NALF1: variants seen among roughly 807,000 people sequenced by gnomAD.
The protein encoded by NALF1 is NALCN channel auxiliary factor 1, also known as family with sequence similarity 155 member A.
Under a neutral mutation model 48.4 loss-of-function variants are expected in NALF1, and 3 were observed. That is an observed-to-expected ratio of 0.06 (90% confidence interval 0.03 to 0.16). The LOEUF (loss-of-function observed/expected upper bound fraction) is 0.16. Ranked by LOEUF, NALF1 falls within the 10% of genes least tolerant of loss-of-function variation. The pLI is 1.00. For synonymous variants in NALF1, 262 were observed against 245.7 expected, an observed-to-expected ratio of 1.07 and a Z score of -0.62; for missense variants, 526 against 571.5, an observed-to-expected ratio of 0.92 and a Z score of 0.81.
chr13:107,849,841 T>C lies in NALF1; in HGVS notation c.915+15841A>G, dbSNP rs189299995. 3.0e-4 allele frequency among the ~76,000 whole-genome samples: 46 copies of C among 152,314 alleles called. No homozygotes were observed. In the East Asian group the frequency reaches 8.5e-3, roughly 28 times the overall value. ...AAAAATAATCAAGAAACAATGCCTA[T>C]CTTTAAGAGTACTCTCAAAATCTAA... On this transcript the variant is annotated intron_variant, in intron 1 of 2. Coordinates refer to ENST00000375915, the MANE Select transcript of NALF1 (RefSeq NM_001080396.3).
intron 1 of NALF1, among the ~76,000 whole-genome samples, chr13:107,426,923 A>G (rs1884290376): frequency 6.6e-6 from 1 of 152,118 alleles, no homozygotes; most frequent in Admixed American, 6.5e-5. Context: ...ACAGTTATTA[A>G]AATGAATAAT....
intron 1 of NALF1, among the ~76,000 whole-genome samples, chr13:107,270,830 A>T (rs986976329): frequency 2.1e-4 from 26 of 123,192 alleles, no homozygotes; most frequent in Non-Finnish European, 3.7e-4. Flanking sequence ...CCACCCCACA[A>T]CAGGCCCCGG....
intron 2 of NALF1, among the ~76,000 whole-genome samples, chr13:107,200,333 T>C (rs1467582931): frequency 6.6e-6 from 1 of 152,018 alleles, no homozygotes; most frequent in Admixed American, 6.5e-5. Flanking sequence ...ATCTGGGGTG[T>C]TGGGTCCCAA....
intron 1 of NALF1, among the ~76,000 whole-genome samples, chr13:107,465,292 A>C (rs1478013921): frequency 7.2e-6 from 1 of 138,222 alleles, no homozygotes; most frequent in Non-Finnish European, 1.6e-5. Context: ...TTTAATATAT[A>C]CTACGAATCA....
At chr13:107,298,258 G>A (rs1239974972) in intron 1 of NALF1, among the ~76,000 whole-genome samples, 2 of 144,344 alleles carry the variant, frequency 1.4e-5, no homozygotes, top group Non-Finnish European at 3.0e-5. Context: ...GCTGAGGCAG[G>A]AGAATGGTGT....
intron 1 of NALF1, among the ~76,000 whole-genome samples, chr13:107,630,202 A>G (rs1879796877): frequency 6.6e-6 from 1 of 152,060 alleles, no homozygotes; most frequent in South Asian, 2.1e-4. Context: ...GGTTAAGTAC[A>G]TTCTCTTACC....
At chr13:107,856,440 A>G (rs1050548557) in intron 1 of NALF1, among the ~76,000 whole-genome samples, 1 of 152,198 alleles carries the variant, frequency 6.6e-6, no homozygotes, top group African/African-American at 2.4e-5. Context: ...ATGAGACAGT[A>G]TATATTCTCG....
intron 1 of NALF1, among the ~76,000 whole-genome samples, chr13:107,409,179 C>T (rs1035816114): frequency 6.6e-6 from 1 of 152,092 alleles, no homozygotes; most frequent in African/African-American, 2.4e-5. Flanking sequence ...CACCCAACCA[C>T]CACTGCAGTA....
At chr13:107,769,179 C>G (rs1877504097) in intron 1 of NALF1, among the ~76,000 whole-genome samples, 1 of 148,442 alleles carries the variant, frequency 6.7e-6, no homozygotes, top group Non-Finnish European at 1.5e-5. Context: ...ACCCAGCCAT[C>G]CCATTACTGG....
At chr13:107,668,547 T>C (rs1007884842) in intron 1 of NALF1, among the ~76,000 whole-genome samples, 5 of 152,186 alleles carry the variant, frequency 3.3e-5, no homozygotes, top group Non-Finnish European at 7.4e-5. Context: ...GATAAGTAAA[T>C]CTTCCTTTGT....
chr13:107,204,894 G>A (rs1488161826), intron 2 of NALF1, among the ~76,000 whole-genome samples: 2 of 143,168 alleles, frequency 1.4e-5, no homozygotes, highest in African/African-American at 5.1e-5. Context: ...ATGAACATAC[G>A]CATACGCAGG....
At chr13:107,366,020 A>G (rs1013413494) in intron 1 of NALF1, among the ~76,000 whole-genome samples, 1 of 152,210 alleles carries the variant, frequency 6.6e-6, no homozygotes, top group Non-Finnish European at 1.5e-5. Context: ...AAGCAACACA[A>G]TAAGTTACGC....
intron 1 of NALF1, among the ~76,000 whole-genome samples, chr13:107,639,488 C>T (rs542624530): frequency 6.6e-6 from 1 of 152,270 alleles, no homozygotes; most frequent in East Asian, 1.9e-4. Flanking sequence ...AAAAAGTCAG[C>T]TAAATTTGTG....
At position 107,516,835 on chromosome 13, in the gene NALF1, A is replaced by C. The variant is rs192159274; in HGVS notation, c.916-306080T>G. ...ACTGATATTTTCCCAAATAAACATTAAAGTTTGTGGTTTGTCAATTTGCAA... is the reference window on the plus strand; with the variant it reads ...ACTGATATTTTCCCAAATAAACATTCAAGTTTGTGGTTTGTCAATTTGCAA... On this transcript the variant is annotated intron_variant, in intron 1 of 2. Transcript: ENST00000375915. 1.2e-4 allele frequency among the ~76,000 whole-genome samples: 18 copies of C among 152,346 alleles called. No individual in the cohort carries two copies. In the East Asian group the frequency reaches 3.5e-3, roughly 29 times the overall value.
rs541470321 is a variant in NALF1 at position 107,249,832 on chromosome 13, A to ATT, written c.916-39079_916-39078dup. 2.8e-4 allele frequency among the ~76,000 whole-genome samples: 42 copies of ATT among 152,172 alleles called. 1 individual carries two copies. The South Asian group carries it at 7.2e-3, about 26-fold the overall frequency. ...TTTGTTAATTAACCTAACAGTTTTG[A>ATT]TTTTTATGTTGACTATCAATTAATC... On this transcript the variant is annotated intron_variant, in intron 1 of 2. Transcript: ENST00000375915.
intron 1 of NALF1, among the ~76,000 whole-genome samples, chr13:107,454,952 TATGGTTCGA>T (rs1884800261): frequency 6.6e-6 from 1 of 152,160 alleles, no homozygotes; most frequent in African/African-American, 2.4e-5. Flanking sequence ...GAAGAATTGA[TATGGTTCGA>T]CTTTGTGTCC....
Position 107,288,188 on chromosome 13 carries a change from C to A in NALF1, c.916-77433G>T, listed in dbSNP as rs536424380. ...ATATTTAATAGAAGATTAGTTTTGTCTCTCATTAAGAAATATATATGATCT... is the reference window on the plus strand; with the variant it reads ...ATATTTAATAGAAGATTAGTTTTGTATCTCATTAAGAAATATATATGATCT... On this transcript the variant is annotated intron_variant, in intron 1 of 2. Transcript: ENST00000375915. 3.3e-4 allele frequency among the ~76,000 whole-genome samples: 50 copies of A among 150,234 alleles called. 1 individual carries two copies. The South Asian group carries it at 0.011, about 32-fold the overall frequency.
At chr13:107,379,606 T>C (rs1204212545) in intron 1 of NALF1, among the ~76,000 whole-genome samples, 2 of 152,146 alleles carry the variant, frequency 1.3e-5, no homozygotes, top group African/African-American at 2.4e-5. Flanking sequence ...TCAGGGAATG[T>C]TGCTAATGAC....
At chr13:107,746,944 A>G (rs571942615) in intron 1 of NALF1, among the ~76,000 whole-genome samples, 1 of 152,342 alleles carries the variant, frequency 6.6e-6, no homozygotes, top group South Asian at 2.1e-4. Context: ...TAAAACTCTT[A>G]GAAGAAGACA....
Sources: gnomAD v4.1 joint callset for allele counts (sites outside exome capture counted in the v4.1 genomes callset) on GRCh38, gnomAD v4.1.1 for gene constraint, MANE v1.5 for transcripts, NCBI Gene and HGNC (gene_info 2026-07-23, HGNC 2026-07-21) for gene names.